Variants in TMPRSS11A observed in about 807,000 individuals in gnomAD.
TMPRSS11A encodes transmembrane serine protease 11A.
A neutral mutation model predicts 58.9 loss-of-function variants in TMPRSS11A; 53 were observed. That is an observed-to-expected ratio of 0.90 (90% CI 0.72 to 1.13). TMPRSS11A has a LOEUF of 1.13. Among genes scored for constraint, TMPRSS11A ranks in the 50% most tolerant of loss-of-function variants. The pLI is 0.00. For synonymous variants in TMPRSS11A, 167 were observed against 169.8 expected, an observed-to-expected ratio of 0.98 and a Z score of 0.13; for missense variants, 493 against 499.3, an observed-to-expected ratio of 0.99 and a Z score of 0.12.
intron 1 of TMPRSS11A, among the ~76,000 whole-genome samples, chr4:67,961,482 CCTTTTTTTTTTTTTTTTTTTTTTTT>C (rs1258221426): frequency 6.1e-4 from 63 of 102,442 alleles, no homozygotes; most frequent in South Asian, 1.9e-3. Context: ...CTTTTCTTTT[CCTTTTTTTTTTTTTTTTTTTTTTTT>C]TTTTTTTTTT....
intron 3 of TMPRSS11A, among the ~76,000 whole-genome samples, chr4:67,940,411 A>G (rs776958775): frequency 2.0e-5 from 3 of 152,090 alleles, no homozygotes; most frequent in Non-Finnish European, 4.4e-5. Flanking sequence ...TACTGATTTA[A>G]GTATGAACTC....
rs150419531 is a variant in TMPRSS11A, at chr4:67,943,875, G to A, written c.252+644C>T. Among the ~76,000 whole-genome samples the A allele has an allele frequency of 3.8e-4, 58 of 152,202 alleles. No individual in the cohort carries two copies. The East Asian group carries it at 0.011, about 29-fold the overall frequency. ...TGTCATTTCTTTCTTTTTAAAATAA[G>A]TCTCTGCTTCTGTGCTTCCTTGTTA... On this transcript the variant is annotated intron_variant, in intron 3 of 9. Transcript: ENST00000508048.
chr4:67,962,002 T>C (rs1721441308), intron 1 of TMPRSS11A, among the ~76,000 whole-genome samples: 1 of 152,166 alleles, frequency 6.6e-6, no homozygotes, highest in African/African-American at 2.4e-5. Context: ...GAATATGAAA[T>C]ATGAAAAACT....
intron 1 of TMPRSS11A, among the ~76,000 whole-genome samples, chr4:67,960,869 C>CT (rs1232172287): frequency 6.6e-6 from 1 of 152,084 alleles, no homozygotes; most frequent in East Asian, 1.9e-4. Context: ...TTAAACAATG[C>CT]TGAAAATAAA....
At chr4:67,911,663 G>A (rs1719984389) in intron 9 of TMPRSS11A, among the ~76,000 whole-genome samples, 160 bp from the exon 10 acceptor site, 1 of 151,992 alleles carries the variant, frequency 6.6e-6, no homozygotes, top group Non-Finnish European at 1.5e-5. Context: ...ATATTACAAA[G>A]AGCCTTAAGG....
rs369625332 is a variant in TMPRSS11A, at chr4:67,963,458, T to C, written c.-65A>G. 3.2e-6 allele frequency: 5 copies of C among 1,551,950 alleles called. No individual in the cohort carries two copies. Among genetic ancestry groups the C allele is most frequent in the Non-Finnish European group, 4.4e-6 (5 of 1,127,700 alleles). ...CTGAACTCAACTTTCTAATCAACTA[T>C]ATGACATCTCTAGATGTATTAGAAG... On this transcript the variant is annotated 5_prime_UTR_variant, in exon 1 of 10. The change creates a new upstream start codon in the 5' untranslated region. Coordinates refer to ENST00000508048, the MANE Select transcript of TMPRSS11A (RefSeq NM_001114387.2).
intron 8 of TMPRSS11A, 43 bp from the exon 9 acceptor site, chr4:67,914,773 C>G (rs1720103224): frequency 1.3e-6 from 2 of 1,565,900 alleles, no homozygotes; most frequent in South Asian, 2.3e-5. Context: ...CAATCAGCAT[C>G]TTTGGCTAGA....
At chr4:67,911,530 A>C in intron 9 of TMPRSS11A, 27 bp from the exon 10 acceptor site, 1 of 1,580,188 alleles carries the variant, frequency 6.3e-7, no homozygotes, top group Non-Finnish European at 8.6e-7. Context: ...AAGAAAAAAG[A>C]AAGAAAATTA....
chr4:67,922,633 C>T lies in TMPRSS11A; in HGVS notation c.692+122G>A, dbSNP rs551029329. ...AGTGTAACATTATTTTAGAAAAGAA[C>T]CTGAAATAACTTTTTCTTATTTTAC... On this transcript the variant is annotated intron_variant, in intron 7 of 9. Transcript: ENST00000508048. The T allele has an allele frequency of 1.2e-5, 11 of 943,030 alleles. No homozygotes were observed. In the South Asian group the frequency reaches 2.2e-4, roughly 19 times the overall value. 58.4% of individuals were successfully genotyped at this position (943,030 alleles called of 1,614,324 possible). A position where few individuals can be genotyped will look rare whatever the true frequency, so the allele number is the denominator to read the frequency against.
In TMPRSS11A at chr4:67,912,667, A is replaced by G. The variant is rs1720016365; in HGVS notation, c.1096-1164T>C. On this transcript the variant is annotated intron_variant, in intron 9 of 9. Transcript: ENST00000508048. ...TTGAATGTGTTTTCCACCATCGTCT[A>G]CCTTCTAGAGTTACTGTTGAGGAGT... Among the ~76,000 whole-genome samples the G allele has an allele frequency of 2.0e-5, 3 of 152,170 alleles. No homozygotes were observed. In the South Asian group the frequency reaches 6.2e-4, roughly 32 times the overall value.
chr4:67,918,814 A>C (rs780907304), intron 8 of TMPRSS11A, among the ~76,000 whole-genome samples, 159 bp downstream of exon 8: 1 of 152,174 alleles, frequency 6.6e-6, no homozygotes, highest in Non-Finnish European at 1.5e-5. Context: ...TTTATTCTGC[A>C]CTGGTTAATG....
At chr4:67,946,332 C>T in intron 2 of TMPRSS11A, 118 bp downstream of exon 2, 1 of 998,392 alleles carries the variant, frequency 1.0e-6, no homozygotes, top group Admixed American at 3.2e-5. Context: ...TAAATATACT[C>T]TGTGGAAATT....
chr4:67,947,624 T>C (rs1384399338), intron 1 of TMPRSS11A, among the ~76,000 whole-genome samples: 2 of 152,232 alleles, frequency 1.3e-5, no homozygotes, highest in African/African-American at 4.8e-5. Flanking sequence ...TGGTGCTGTG[T>C]ATTTTATATT....
intron 3 of TMPRSS11A, among the ~76,000 whole-genome samples, chr4:67,940,960 T>C (rs895026158): frequency 6.6e-6 from 1 of 152,184 alleles, no homozygotes; most frequent in Non-Finnish European, 1.5e-5. Context: ...CAGTTTCTGC[T>C]GGATGCCATG....
At chr4:67,962,902 C>A (rs1721471687) in intron 1 of TMPRSS11A, among the ~76,000 whole-genome samples, 1 of 152,190 alleles carries the variant, frequency 6.6e-6, no homozygotes, top group Non-Finnish European at 1.5e-5. Flanking sequence ...GGGTCTTCTA[C>A]AATGGAGGCA....
rs867114521 is a variant in TMPRSS11A at position 67,944,554 on chromosome 4, G to A, written c.217C>T (p.Gln73Ter). 6.2e-7 allele frequency: 1 copy of A among 1,612,956 alleles called. No individual in the cohort carries two copies. The highest frequency in any genetic ancestry group is 8.5e-7 in the Non-Finnish European group (1 of 1,179,234). ...GTCGTCTCTCGTAAGTCCTTAAGTT[G>A]ATATGTGTTGCTTTGTCCGAAATTG... ...NNNFGQSNTYQLKDLRETTEN... is the reference protein window; with the variant it reads ...NNNFGQSNTY Residue 73 changes from glutamine (Q) to a stop codon, truncating the protein, a stop_gained, in exon 3 of 10, where the codon CAA becomes TAA. Coordinates refer to ENST00000508048, the MANE Select transcript of TMPRSS11A (RefSeq NM_001114387.2). LOFTEE classifies it high-confidence loss of function.
intron 9 of TMPRSS11A, among the ~76,000 whole-genome samples, chr4:67,914,210 T>C (rs1415456587): frequency 6.6e-6 from 1 of 152,258 alleles, no homozygotes; most frequent in African/African-American, 2.4e-5. Flanking sequence ...ATCTCTCTGA[T>C]ACTTGTTCCA....
At chr4:67,929,823 C>A (rs1394820877) in intron 5 of TMPRSS11A, 57 bp downstream of exon 5, 2 of 1,358,242 alleles carry the variant, frequency 1.5e-6, no homozygotes, top group East Asian at 2.3e-5. Context: ...ATTTGAGATT[C>A]GTCAAAACAT....
At chr4:67,924,076 G>A in intron 6 of TMPRSS11A, 52 bp downstream of exon 6, 3 of 1,466,088 alleles carry the variant, frequency 2.0e-6, no homozygotes, top group South Asian at 1.1e-5. Context: ...ATTTGAAAAT[G>A]TCCTTTCTGA....
Sources: gnomAD v4.1 joint callset for allele counts (sites outside exome capture counted in the v4.1 genomes callset) on GRCh38, gnomAD v4.1.1 for gene constraint, MANE v1.5 for transcripts, NCBI Gene and HGNC (gene_info 2026-07-23, HGNC 2026-07-21) for gene names.